The following PRICKLE2 variants were observed in gnomAD, a reference collection of about 807,000 sequenced individuals.
PRICKLE2 encodes the protein prickle-like protein 2.
PRICKLE2 carries 21 observed loss-of-function variants against 81.4 expected under a neutral mutation model. The ratio of observed to expected loss-of-function variants is 0.26; its 90% confidence interval spans 0.18 to 0.37. PRICKLE2 has a LOEUF of 0.37. Among genes scored for constraint, PRICKLE2 ranks in the 10% least tolerant of loss-of-function variants. The pLI, the probability that PRICKLE2 is intolerant of heterozygous loss-of-function variation, is 1.00. For missense variants in PRICKLE2, 940 were observed against 1,109.0 expected (o/e 0.85, Z 2.16); for synonymous variants, 456 against 421.5 (o/e 1.08, Z -1.00).
chr3:64,264,914 T>C (rs1416317884), intron 2 of PRICKLE2, among the ~76,000 whole-genome samples: 2 of 152,150 alleles, frequency 1.3e-5, no homozygotes, highest in African/African-American at 4.8e-5. Context: ...AGGCTGGCTG[T>C]TAAAAGTCAA....
At chr3:64,104,431 T>G (rs1324191712) in intron 7 of PRICKLE2, 1 of 152,238 alleles carries the variant, frequency 6.6e-6, no homozygotes, top group East Asian at 1.9e-4. Context: ...CATAAATAAC[T>G]TAGCAAATAC....
At chr3:64,215,525 A>T (rs1202743859) in intron 1 of PRICKLE2, among the ~76,000 whole-genome samples, 2 of 152,244 alleles carry the variant, frequency 1.3e-5, no homozygotes, top group Non-Finnish European at 2.9e-5. Flanking sequence ...ATTTTGACTA[A>T]TACTTAGTCT....
At chr3:64,198,220 A>AAATC (rs1350614035) in intron 2 of PRICKLE2, among the ~76,000 whole-genome samples, 1 of 86,398 alleles carries the variant, frequency 1.2e-5, no homozygotes, top group Non-Finnish European at 2.1e-5. Context: ...TAAAATAAAT[A>AAATC]AATAAATAAA....
At chr3:64,216,244 G>A (rs1365140428) in intron 1 of PRICKLE2, among the ~76,000 whole-genome samples, 3 of 152,196 alleles carry the variant, frequency 2.0e-5, no homozygotes, top group Admixed American at 6.5e-5. Context: ...CCTTTCGGGT[G>A]ACTTGATGCC....
At chr3:64,146,471 C>T (rs977175692) in intron 7 of PRICKLE2, 6 of 254,930 alleles carry the variant, frequency 2.4e-5, no homozygotes, top group East Asian at 9.1e-5. Context: ...AGGCTGGGCA[C>T]GGTGGCTCAC....
At chr3:64,251,991 C>T (rs547657048) in intron 2 of PRICKLE2, among the ~76,000 whole-genome samples, 3 of 152,278 alleles carry the variant, frequency 2.0e-5, no homozygotes, top group African/African-American at 7.2e-5. Flanking sequence ...TGCACATAGA[C>T]ATCATTTACT....
chr3:64,199,763 A>G (rs1258968309), intron 1 of PRICKLE2: 1 of 152,232 alleles, frequency 6.6e-6, no homozygotes, highest in Non-Finnish European at 1.5e-5. Flanking sequence ...GAAGCAATAA[A>G]TATGTTGATG....
intron 2 of PRICKLE2, among the ~76,000 whole-genome samples, chr3:64,241,584 G>A (rs1238918334): frequency 6.6e-6 from 1 of 152,116 alleles, no homozygotes; most frequent in Non-Finnish European, 1.5e-5. Context: ...TCTCTAAAGT[G>A]CTCCAATACC....
chr3:64,230,219 A>G (rs536560034), upstream of PRICKLE2, among the ~76,000 whole-genome samples: 1 of 152,324 alleles, frequency 6.6e-6, no homozygotes, highest in East Asian at 1.9e-4. Context: ...AAAACAGACA[A>G]TGGAGGACCC....
Position 64,147,173 on chromosome 3 carries a change from G to C in PRICKLE2, c.1317C>G (p.Pro439=), listed in dbSNP as rs745530308. ...SPGGQGAGAQ[P]EMWGKHFSNP... is the part of the protein sequence containing the mutation. ...TGCTGAAGTGCTTGCCCCACATTTC[G>C]GGCTGGGCCCCAGCCCCTTGCCCTC... is the stretch of plus-strand genomic sequence containing the variant. Residue 439 remains proline, a synonymous_variant, in exon 7 of 8, where the codon CCC becomes CCG. Coordinates refer to ENST00000638394, the MANE Select transcript of PRICKLE2 (RefSeq NM_198859.4). The surrounding 1 kb of genome is among the most constrained non-coding windows in gnomAD (Gnocchi z 5.0). The C allele has an allele frequency of 8.1e-6, 13 of 1,613,808 alleles. No homozygotes were observed. The highest frequency in any genetic ancestry group is 1.1e-5 in the Non-Finnish European group (13 of 1,179,946).
chr3:64,265,582 A>G (rs1409896590), intron 2 of PRICKLE2, among the ~76,000 whole-genome samples: 1 of 152,170 alleles, frequency 6.6e-6, no homozygotes, highest in Non-Finnish European at 1.5e-5. Flanking sequence ...CTCTGCATAC[A>G]CAGCTACACA....
intron 2 of PRICKLE2, among the ~76,000 whole-genome samples, chr3:64,187,144 T>C (rs1029470280): frequency 2.0e-5 from 3 of 152,220 alleles, no homozygotes; most frequent in Non-Finnish European, 4.4e-5. Flanking sequence ...GCCGTGTTGC[T>C]GCTGACTTCA....
chr3:64,181,651 A>G (rs534254343), intron 2 of PRICKLE2, among the ~76,000 whole-genome samples: 1 of 152,330 alleles, frequency 6.6e-6, no homozygotes, highest in African/African-American at 2.4e-5. Flanking sequence ...CATGTTTAGG[A>G]AGTAACCTTT....
chr3:64,265,783 G>A (rs997177112), intron 2 of PRICKLE2, among the ~76,000 whole-genome samples: 3 of 152,116 alleles, frequency 2.0e-5, no homozygotes, highest in African/African-American at 7.2e-5. Context: ...CTCATTCCTC[G>A]ACACATCTGT....
At chr3:64,196,408 C>T (rs2078454257) in intron 2 of PRICKLE2, among the ~76,000 whole-genome samples, 1 of 152,162 alleles carries the variant, frequency 6.6e-6, no homozygotes. Flanking sequence ...ACTGGTGTAT[C>T]TAGGTATGAA....
chr3:64,151,011 G>GGT (rs1202247125), intron 6 of PRICKLE2, among the ~76,000 whole-genome samples: 2 of 152,150 alleles, frequency 1.3e-5, no homozygotes, highest in East Asian at 3.9e-4. Flanking sequence ...CTTCTTGGAG[G>GGT]GTGTGTGTGT....
chr3:64,145,535 C>T (rs1454829944), intron 7 of PRICKLE2: 1 of 151,722 alleles, frequency 6.6e-6, no homozygotes, highest in Non-Finnish European at 1.5e-5. Context: ...CAACATCAGT[C>T]TTCCCACGCA....
At chr3:64,173,780 T>C (rs918814923) in intron 2 of PRICKLE2, among the ~76,000 whole-genome samples, 1 of 152,210 alleles carries the variant, frequency 6.6e-6, no homozygotes, top group Non-Finnish European at 1.5e-5. Context: ...AGCCAAGTTG[T>C]CTATCTCAGC....
At chr3:64,129,387 C>T (rs1317002029) in intron 7 of PRICKLE2, among the ~76,000 whole-genome samples, 3 of 152,126 alleles carry the variant, frequency 2.0e-5, no homozygotes, top group African/African-American at 2.4e-5. Flanking sequence ...CACAGTGTCC[C>T]ACTTGGAAGG....
Sources: gnomAD v4.1 joint callset for allele counts (sites outside exome capture counted in the v4.1 genomes callset) on GRCh38, gnomAD v4.1.1 for gene constraint, Gnocchi (gnomAD v3.1) non-coding constraint, MANE v1.5 for transcripts, NCBI Gene and HGNC (gene_info 2026-07-23, HGNC 2026-07-21) for gene names.